Variants in PWWP2A observed in about 807,000 individuals in gnomAD.
PWWP2A encodes PWWP domain containing 2A, also known as PWWP domain-containing protein 2A.
A neutral mutation model predicts 48.5 loss-of-function variants in PWWP2A; 18 were observed. That is an observed-to-expected ratio of 0.37 (90% CI 0.26 to 0.55). The LOEUF (loss-of-function observed/expected upper bound fraction) is 0.55. Ranked by LOEUF, PWWP2A falls within the 20% of genes least tolerant of loss-of-function variation. The pLI, the probability that PWWP2A is intolerant of heterozygous loss-of-function variation, is 0.81. For missense variants in PWWP2A, 867 were observed against 976.4 expected (o/e 0.89, Z 1.49); for synonymous variants, 396 against 387.7 (o/e 1.02, Z -0.25).
the PWWP2A span, among the ~76,000 whole-genome samples, chr5:160,052,112 C>T: frequency 6.6e-6 from 1 of 152,208 alleles, no homozygotes; most frequent in African/African-American, 2.4e-5. Flanking sequence ...TAGACTCAGA[C>T]TGTAAAGACG....
At chr5:160,047,787 A>C in the PWWP2A span, among the ~76,000 whole-genome samples, 1 of 152,200 alleles carries the variant, frequency 6.6e-6, no homozygotes, top group African/African-American at 2.4e-5. Flanking sequence ...TTAGCCTTTC[A>C]CATGGCTGGC....
chr5:160,083,074 C>T (rs1379198328), intron 2 of PWWP2A, among the ~76,000 whole-genome samples: 1 of 152,162 alleles, frequency 6.6e-6, no homozygotes, highest in African/African-American at 2.4e-5. Context: ...TTTCTTAATA[C>T]AGTAAAGCAT....
At chr5:160,066,397 A>G (rs879636696) in intron 4 of PWWP2A, among the ~76,000 whole-genome samples, 2 of 145,272 alleles carry the variant, frequency 1.4e-5, no homozygotes, top group Admixed American at 7.3e-5. Flanking sequence ...CCCAGGCTCA[A>G]GCAATTCTCC....
Position 160,091,381 on chromosome 5 carries a change from T to TG in PWWP2A, c.*1000_*1001insC. The TG allele has an allele frequency of 2.0e-6, 2 of 977,122 alleles. No homozygotes were observed. The highest frequency in any genetic ancestry group is 2.4e-6 in the Non-Finnish European group (2 of 822,934). The allele number at this position is 977,122 out of a possible 1,614,324, so 60.5% of individuals were successfully genotyped here. A position where few individuals can be genotyped will look rare whatever the true frequency, so the allele number is the denominator to read the frequency against. On this transcript the variant is annotated 3_prime_UTR_variant, in exon 2 of 2. Coordinates refer to ENST00000307063, the MANE Select transcript of PWWP2A (RefSeq NM_001130864.2). ...TTATTTACAGCTTTTTTTTGGTTTT[T>TG]TTTTTTTTTTTTACATTTCAGAGCA...
chr5:160,110,207 A>G (rs1009879399), intron 1 of PWWP2A, among the ~76,000 whole-genome samples: 4 of 151,766 alleles, frequency 2.6e-5, no homozygotes, highest in Non-Finnish European at 5.9e-5. Flanking sequence ...TTTTTATAGC[A>G]GAGATAGGGT....
chr5:160,119,187 G>C lies in PWWP2A; in HGVS notation c.202C>G (p.Leu68Val), dbSNP rs772787377. The change falls in exon 1 of 2, where the codon CTC becomes GTC. Residue 68 changes from leucine (L) to valine (V), a missense_variant. Leu to Val is a conservative substitution (Grantham distance 32, BLOSUM62 1). Transcript: ENST00000307063. ...CCCGGCGGCGGCGGTGGCGGCGGGA[G>C]CGGCGGCTCGTCGGCCTGAGGAGCG... is the stretch of plus-strand genomic sequence containing the variant. ...QSAPQADEPP[L>V]PPPPPPPGEL... 7.5e-6 allele frequency: 11 copies of C among 1,475,794 alleles called. No individual in the cohort carries two copies. Among genetic ancestry groups the C allele is most frequent in the African/African-American group, 1.5e-5 (1 of 68,242 alleles). The allele number at this position is 1,475,794 out of a possible 1,614,324, so 91.4% of individuals were successfully genotyped here. A position where few individuals can be genotyped will look rare whatever the true frequency, so the allele number is the denominator to read the frequency against.
chr5:160,099,207 A>G (rs1330162573), intron 1 of PWWP2A, among the ~76,000 whole-genome samples: 1 of 152,214 alleles, frequency 6.6e-6, no homozygotes, highest in Non-Finnish European at 1.5e-5. Flanking sequence ...AAGGCTGAAA[A>G]GGCTGACTGG....
At chr5:160,106,526 C>G (rs1346532774) in intron 1 of PWWP2A, among the ~76,000 whole-genome samples, 2 of 151,504 alleles carry the variant, frequency 1.3e-5, no homozygotes, top group Non-Finnish European at 2.9e-5. Context: ...AATTTAAAAC[C>G]TCACACATTA....
chr5:160,059,967 A>G (rs1018556361), downstream of PWWP2A, among the ~76,000 whole-genome samples: 6 of 152,250 alleles, frequency 3.9e-5, no homozygotes, highest in Non-Finnish European at 8.8e-5. Context: ...GTAAAGCACA[A>G]AAAGCACAGC....
chr5:160,057,383 A>G (rs2113411100), downstream of PWWP2A, among the ~76,000 whole-genome samples: 1 of 152,128 alleles, frequency 6.6e-6, no homozygotes, highest in Admixed American at 6.5e-5. The surrounding 1 kb of genome is among the most constrained non-coding windows in gnomAD (Gnocchi z 4.4). Flanking sequence ...GTAGTCTACT[A>G]AGTATGCAAC....
chr5:160,093,544 T>C lies in PWWP2A; in HGVS notation c.1106A>G (p.His369Arg). 1.2e-6 allele frequency: 2 copies of C among 1,613,748 alleles called. No homozygotes were observed. Among genetic ancestry groups the C allele is most frequent in the South Asian group, 1.1e-5 (1 of 91,028 alleles). ...ATTTTGGTTTTTCCCATCCACTTTA[T>C]GGTCAGTTTTCAGTTTTTTGTTCAC... is the stretch of plus-strand genomic sequence containing the variant. ...TTVNKKLKTD[H>R]KVDGKNQNES... The change falls in exon 2 of 2, where the codon CAT (histidine) becomes CGT (arginine). Residue 369 changes from histidine to arginine, a missense_variant. By Grantham distance (29) the His-to-Arg change is conservative (BLOSUM62 0). Transcript: ENST00000307063. The surrounding 1 kb of genome is among the most constrained non-coding windows in gnomAD (Gnocchi z 5.8).
downstream of PWWP2A, among the ~76,000 whole-genome samples, chr5:160,088,788 A>C (rs767285622): frequency 2.0e-4 from 30 of 152,198 alleles, no homozygotes; most frequent in Non-Finnish European, 4.0e-4. Flanking sequence ...AAACCATAGA[A>C]AATTAACAAC....
chr5:160,099,555 G>A, intron 1 of PWWP2A, among the ~76,000 whole-genome samples: 1 of 152,026 alleles, frequency 6.6e-6, no homozygotes. Flanking sequence ...TTGAACTCCT[G>A]GGCTCAAGCA....
chr5:160,085,409 G>C (rs1754548143), intron 2 of PWWP2A, among the ~76,000 whole-genome samples: 1 of 152,012 alleles, frequency 6.6e-6, no homozygotes, highest in Non-Finnish European at 1.5e-5. Context: ...TGTAGATATT[G>C]ACAACCAGGA....
chr5:160,073,735 G>C (rs563719179), downstream of PWWP2A, among the ~76,000 whole-genome samples: 155 of 152,180 alleles, frequency 1.0e-3, no homozygotes, highest in Non-Finnish European at 1.8e-3. Context: ...TCACTACCTT[G>C]TTGGTACCAA....
At chr5:160,096,254 G>A (rs1436594198) in intron 1 of PWWP2A, among the ~76,000 whole-genome samples, 1 of 151,986 alleles carries the variant, frequency 6.6e-6, no homozygotes, top group African/African-American at 2.4e-5. Context: ...ACAAGATTAG[G>A]TCTCGGATAG....
chr5:160,065,634 G>A (rs550276782), intron 4 of PWWP2A: 1 of 317,604 alleles, frequency 3.1e-6, no homozygotes, highest in South Asian at 2.5e-5. Flanking sequence ...TTCAAGCAGG[G>A]TTACTGATTC....
chr5:160,088,528 G>A (rs891824783), downstream of PWWP2A, among the ~76,000 whole-genome samples: 2 of 152,174 alleles, frequency 1.3e-5, no homozygotes, highest in East Asian at 3.8e-4. Context: ...GGGATTACAG[G>A]CATGAGCTAC....
chr5:160,049,638 A>C, the PWWP2A span: 1 of 1,587,698 alleles, frequency 6.3e-7, no homozygotes, highest in Non-Finnish European at 8.5e-7. Flanking sequence ...ATCCATCAAT[A>C]CATCAAGCAA....
Sources: gnomAD v4.1 joint callset for allele counts (sites outside exome capture counted in the v4.1 genomes callset) on GRCh38, gnomAD v4.1.1 for gene constraint, Gnocchi (gnomAD v3.1) non-coding constraint, MANE v1.5 for transcripts, NCBI Gene and HGNC (gene_info 2026-07-23, HGNC 2026-07-21) for gene names.